Variants in LIPG observed in about 807,000 individuals in gnomAD.
LIPG encodes lipase G, endothelial type, also known as endothelial lipase.
A neutral mutation model predicts 51.8 loss-of-function variants in LIPG; 34 were observed. That is an observed-to-expected ratio of 0.66 (90% CI 0.50 to 0.87). LIPG has a LOEUF of 0.87. LIPG is among the 40% of genes least tolerant of loss of function. The pLI is 0.00. For missense variants in LIPG, 580 were observed against 652.7 expected (o/e 0.89, Z 1.21); for synonymous variants, 246 against 246.1 (o/e 1.00, Z 0.00).
At chr18:49,571,414 A>G (rs1160658963) in intron 4 of LIPG, among the ~76,000 whole-genome samples, 1 of 152,152 alleles carries the variant, frequency 6.6e-6, no homozygotes, top group Non-Finnish European at 1.5e-5. Flanking sequence ...TGCCTGTTTG[A>G]GTGGCATCTG....
intron 3 of LIPG, among the ~76,000 whole-genome samples, chr18:49,568,566 A>C (rs1339585989): frequency 6.6e-6 from 1 of 151,530 alleles, no homozygotes; most frequent in African/African-American, 2.4e-5. Flanking sequence ...TTTTTAGTAG[A>C]GATGGGGTTT....
intron 4 of LIPG, among the ~76,000 whole-genome samples, chr18:49,572,062 G>A (rs1432977355): frequency 2.0e-5 from 3 of 152,236 alleles, no homozygotes; most frequent in Non-Finnish European, 4.4e-5. Flanking sequence ...GCTCACGCCT[G>A]TAACCCCAGC....
chr18:49,585,148 G>A (rs1483762741), intron 8 of LIPG, among the ~76,000 whole-genome samples: 1 of 152,130 alleles, frequency 6.6e-6, no homozygotes, highest in East Asian at 1.9e-4. Flanking sequence ...TGCAAACTCC[G>A]CCTCCCGGAT....
In LIPG at chr18:49,581,525, C is replaced by T. The variant is rs150193557; in HGVS notation, c.904C>T (p.Arg302Cys). 14 of 1,614,036 alleles carry T rather than the reference C, an allele frequency of 8.7e-6. No individual in the cohort carries two copies. The highest frequency in any genetic ancestry group is 2.7e-5 in the African/African-American group (2 of 74,914). The change falls in exon 6 of 10, where the codon CGC becomes TGC. Residue 302 changes from arginine to cysteine, a missense_variant. Arg to Cys is a radical substitution (Grantham distance 180). Coordinates refer to ENST00000261292, the MANE Select transcript of LIPG (RefSeq NM_006033.4). ...SFAFQCTDSN[R>C]FKKGICLSCR... Reference sequence around the variant, plus strand: ...TGCCTTCCAGTGCACTGACTCCAATCGCTTCAAAAAGGGGATCTGTCTGAG... The same window carrying T: ...TGCCTTCCAGTGCACTGACTCCAATTGCTTCAAAAAGGGGATCTGTCTGAG...
intron 1 of LIPG, among the ~76,000 whole-genome samples, chr18:49,563,848 A>T (rs997233629): frequency 1.3e-5 from 2 of 152,150 alleles, no homozygotes; most frequent in Non-Finnish European, 2.9e-5. Context: ...AGACTCTAAG[A>T]GGAAGAGTCT....
intron 5 of LIPG, 112 bp downstream of exon 5, chr18:49,575,702 A>T (rs1421848180): frequency 2.4e-6 from 2 of 841,992 alleles, no homozygotes; most frequent in East Asian, 5.3e-5. Context: ...CTCACCTCCC[A>T]CCACAGAGGC....
chr18:49,567,382 C>A (rs2084616344), intron 2 of LIPG, 60 bp from the exon 3 acceptor site: 4 of 1,537,090 alleles, frequency 2.6e-6, no homozygotes, highest in South Asian at 1.2e-5. Flanking sequence ...GAAAGGAATT[C>A]CATATTTTTT....
At chr18:49,572,276 C>T (rs9955183) in intron 4 of LIPG, among the ~76,000 whole-genome samples, 2,528 of 152,066 alleles carry the variant, frequency 0.017, 61 homozygotes, top group African/African-American at 0.058. Flanking sequence ...GCTGAGATTG[C>T]GCCACTGCAC....
intron 5 of LIPG, among the ~76,000 whole-genome samples, chr18:49,578,904 CG>C (rs1437604916): frequency 6.9e-6 from 1 of 145,868 alleles, no homozygotes; most frequent in Non-Finnish European, 1.5e-5. Context: ...CGCAGGCACT[CG>C]GCAGGCTGAG....
intron 9 of LIPG, 36 bp downstream of exon 9, chr18:49,586,886 A>C (rs761949007): frequency 6.9e-7 from 1 of 1,448,216 alleles, no homozygotes; most frequent in Non-Finnish European, 9.7e-7. Flanking sequence ...CACCCAGGAC[A>C]CGTTGACATG....
In LIPG at chr18:49,583,711, G is replaced by A. The variant is rs140183486; in HGVS notation, c.1313G>A (p.Arg438His). 2.6e-5 allele frequency: 42 copies of A among 1,613,992 alleles called. No homozygotes were observed. The highest frequency in any genetic ancestry group is 1.3e-4 in the South Asian group (12 of 91,078). The change falls in exon 8 of 10, where the codon CGC becomes CAC. Residue 438 changes from arginine (R) to histidine (H), a missense_variant. Physicochemically the swap from Arg to His is conservative, Grantham distance 29 (BLOSUM62 0). Transcript: ENST00000261292. ...KEFRSYLSQP[R>H]NPGRELNIRR... ...TTTCGCAGCTACCTGTCTCAACCCC[G>A]CAACCCCGGACGGGAGCTGAATATC...
At chr18:49,574,838 C>G (rs1214257575) in intron 4 of LIPG, among the ~76,000 whole-genome samples, 1 of 152,106 alleles carries the variant, frequency 6.6e-6, no homozygotes, top group Non-Finnish European at 1.5e-5. Context: ...ACCCCTGGGC[C>G]TGATTAAAGG....
chr18:49,582,507 G>T (rs1199398562), intron 7 of LIPG, 25 bp downstream of exon 7: 9 of 1,614,050 alleles, frequency 5.6e-6, no homozygotes, highest in Non-Finnish European at 7.6e-6. Context: ...TCCCTTGCTG[G>T]GTTCGGGACA....
chr18:49,578,230 G>T (rs1459014316), intron 5 of LIPG, among the ~76,000 whole-genome samples: 1 of 147,834 alleles, frequency 6.8e-6, no homozygotes, highest in African/African-American at 2.6e-5. Flanking sequence ...CTCAGACGGG[G>T]CGGCTGCCGG....
At position 49,591,537 on chromosome 18, in the gene LIPG, G is replaced by A. The variant is rs1179096481; in HGVS notation, c.*1015G>A. The A allele has an allele frequency of 1.3e-5, 2 of 152,114 alleles. No homozygotes were observed. Among genetic ancestry groups the A allele is most frequent in the African/African-American group, 4.8e-5 (2 of 41,390 alleles). 9.4% of individuals were successfully genotyped at this position (152,114 alleles called of 1,614,324 possible). On this transcript the variant is annotated 3_prime_UTR_variant, in exon 10 of 10. Transcript: ENST00000261292. ...TAGAGAGATAGAAGTTATGACATAT[G>A]TAATACACATCTGTGTACACAGAAA...
intron 5 of LIPG, among the ~76,000 whole-genome samples, chr18:49,578,877 TGGCGCGTGCCTGCAATCG>T (rs1282968229): frequency 1.9e-3 from 246 of 132,750 alleles, no homozygotes; most frequent in Non-Finnish European, 2.0e-3. Context: ...TCAGGCGTGG[TGGCGCGTGCCTGCAATCG>T]CAGGCACTCG....
chr18:49,574,799 T>C (rs1364775124), intron 4 of LIPG, among the ~76,000 whole-genome samples: 1 of 152,164 alleles, frequency 6.6e-6, no homozygotes, highest in East Asian at 1.9e-4. Context: ...TCTCAGTGTA[T>C]TGGGTGTCCT....
rs189925567 is a variant in LIPG, at chr18:49,593,585, G to C, written c.*3063G>C. On this transcript the variant is annotated 3_prime_UTR_variant, in exon 10 of 10. Transcript: ENST00000261292. ...CTATTGGTTAAAGTCCCAGCTGGTAGTAAGGTTCTATTCTACAGGCCAAGA... is the reference window on the plus strand; with the variant it reads ...CTATTGGTTAAAGTCCCAGCTGGTACTAAGGTTCTATTCTACAGGCCAAGA... 3 of 152,364 alleles carry C rather than the reference G, an allele frequency of 2.0e-5. No homozygotes were observed. Among genetic ancestry groups the C allele is most frequent in the Admixed American group, 2.0e-4 (3 of 15,304 alleles). 9.4% of individuals were successfully genotyped at this position (152,364 alleles called of 1,614,324 possible). A position where few individuals can be genotyped will look rare whatever the true frequency, so the allele number is the denominator to read the frequency against.
rs775823669 is a variant in LIPG at position 49,567,673 on chromosome 18, ATCT to A, written c.459+57_459+59del. 35 of 1,581,472 alleles carry A rather than the reference ATCT, an allele frequency of 2.2e-5. 2 individuals carry two copies. The South Asian group carries it at 3.5e-4, about 16-fold the overall frequency. On this transcript the variant is annotated intron_variant, in intron 3 of 9. Transcript: ENST00000261292. ...TGTCACCAGCAGGATCTCAAACCCA[ATCT>A]TCTTAAGAAATGCAGGTCATGCATC...
Sources: allele counts gnomAD v4.1 joint callset (sites outside exome capture counted in the v4.1 genomes callset), GRCh38; gene constraint gnomAD v4.1.1; transcripts MANE v1.5; gene names NCBI Gene and HGNC (gene_info 2026-07-23, HGNC 2026-07-21).